AVEN: variants seen among roughly 807,000 people sequenced by gnomAD.
AVEN encodes apoptosis and caspase activation inhibitor.
AVEN carries 41 observed loss-of-function variants against 38.1 expected under a neutral mutation model. The ratio of observed to expected loss-of-function variants is 1.08; its 90% CI spans 0.84 to 1.40. The LOEUF (loss-of-function observed/expected upper bound fraction) is 1.40. Ranked by LOEUF, AVEN falls within the 40% of genes most tolerant of loss-of-function variation. The pLI is 0.00. For synonymous variants in AVEN, 206 were observed against 171.8 expected (o/e 1.20, Z -1.56); for missense variants, 605 against 438.8 (o/e 1.38, Z -3.38).
upstream of AVEN, among the ~76,000 whole-genome samples, chr15:34,041,219 CA>C (rs1899463229): frequency 1.3e-5 from 2 of 152,144 alleles, no homozygotes; most frequent in African/African-American, 4.8e-5. Context: ...TTAAGACAAC[CA>C]AAAACATCTC....
At position 34,062,587 on chromosome 15, in the gene AVEN, G is replaced by A. The variant is rs577135733; in HGVS notation, n.1637+335C>T. The A allele has an allele frequency of 2.1e-5, 15 of 718,616 alleles. No individual in the cohort carries two copies. The South Asian group carries it at 3.1e-4, about 15-fold the overall frequency. 44.5% of individuals were successfully genotyped at this position (718,616 alleles called of 1,614,324 possible). A position where few individuals can be genotyped will look rare whatever the true frequency, so the allele number is the denominator to read the frequency against. On this transcript the variant is annotated intron_variant and non_coding_transcript_variant, in intron 5 of 11. Transcript: ENST00000675287. The stretch of plus-strand genomic sequence containing the variant: ...AAAAAAAAAAAAACTATAAACAATG[G>A]ATGGACAAGAAAATCATGCTGGTGT...
At chr15:33,932,483 G>A (rs539207000) in intron 2 of AVEN, among the ~76,000 whole-genome samples, 14 of 152,306 alleles carry the variant, frequency 9.2e-5, no homozygotes, top group Non-Finnish European at 1.9e-4. Context: ...ATAATACACA[G>A]TTATGAAGAA....
intron 2 of AVEN, 96 bp from the exon 3 acceptor site, chr15:33,876,091 G>A: frequency 8.8e-7 from 1 of 1,136,812 alleles, no homozygotes; most frequent in Non-Finnish European, 1.3e-6. Flanking sequence ...CATTTCTGAA[G>A]TGCTCAAACT....
At chr15:33,898,616 T>C (rs1892347509) in intron 2 of AVEN, among the ~76,000 whole-genome samples, 1 of 152,176 alleles carries the variant, frequency 6.6e-6, no homozygotes, top group Non-Finnish European at 1.5e-5. Flanking sequence ...CACTAGTCAT[T>C]GAACTGGGAC....
chr15:33,913,171 G>A (rs1015324059), intron 2 of AVEN, among the ~76,000 whole-genome samples: 3 of 152,206 alleles, frequency 2.0e-5, no homozygotes, highest in African/African-American at 7.2e-5. Context: ...TTACAGGCAT[G>A]TGCCACTGTG....
chr15:34,030,345 TTTTTG>T lies in AVEN; in HGVS notation c.267+8430_267+8434del, dbSNP rs933026123. ...TTGAGAATACTAGGTTTTGGGGGGT[TTTTTG>T]TTTTGTTTTGTTTGAGACGGAGTCT... On this transcript the variant is annotated intron_variant, in intron 1 of 5. Coordinates refer to ENST00000306730, the MANE Select transcript of AVEN (RefSeq NM_020371.3). 2.6e-5 allele frequency among the ~76,000 whole-genome samples: 4 copies of T among 152,008 alleles called. No individual in the cohort carries two copies. The South Asian group carries it at 8.3e-4, about 31-fold the overall frequency.
chr15:33,884,276 T>C (rs1188864466), intron 2 of AVEN, among the ~76,000 whole-genome samples: 2 of 152,210 alleles, frequency 1.3e-5, no homozygotes, highest in East Asian at 3.9e-4. Context: ...TTTATGATAG[T>C]TGACATACTA....
At chr15:33,881,862 G>C (rs1483941641) in intron 2 of AVEN, among the ~76,000 whole-genome samples, 2 of 152,160 alleles carry the variant, frequency 1.3e-5, no homozygotes, top group Non-Finnish European at 2.9e-5. Flanking sequence ...TAAACACATG[G>C]TGGATCTGAC....
At chr15:34,065,283 A>C (rs1198799633) in intron 4 of AVEN, 1 of 152,158 alleles carries the variant, frequency 6.6e-6, no homozygotes, top group Non-Finnish European at 1.5e-5. Context: ...GTTTTCAGAG[A>C]TCTTGCTTTC....
At chr15:34,050,653 A>G (rs1899898154) in intron 5 of AVEN, among the ~76,000 whole-genome samples, 1 of 152,202 alleles carries the variant, frequency 6.6e-6, no homozygotes, top group Non-Finnish European at 1.5e-5. Context: ...AGGAATGGAG[A>G]AAAATTTACC....
intron 2 of AVEN, among the ~76,000 whole-genome samples, chr15:33,925,324 T>C (rs915780226): frequency 1.3e-5 from 2 of 152,184 alleles, no homozygotes; most frequent in Admixed American, 1.3e-4. Flanking sequence ...GATACCTTCC[T>C]TTCTATAAGA....
At chr15:34,058,758 G>A (rs1234010366) in intron 5 of AVEN, among the ~76,000 whole-genome samples, 1 of 152,096 alleles carries the variant, frequency 6.6e-6, no homozygotes, top group Non-Finnish European at 1.5e-5. Context: ...ACAAAATGAA[G>A]AATTGCCTGA....
chr15:33,948,557 C>T (rs1431021188), intron 2 of AVEN, among the ~76,000 whole-genome samples: 2 of 152,002 alleles, frequency 1.3e-5, no homozygotes, highest in Non-Finnish European at 2.9e-5. Context: ...AATAAAGATA[C>T]TAAAAATGTA....
chr15:33,908,302 C>T lies in AVEN; in HGVS notation c.446-32307G>A, dbSNP rs1214550343. ...CTAATTCCAAAGAACATTGTGTTGA[C>T]AGTGCCTGCAATTAAGAAGCCATCA... On this transcript the variant is annotated intron_variant, in intron 2 of 5. Coordinates refer to ENST00000306730, the MANE Select transcript of AVEN (RefSeq NM_020371.3). Among the ~76,000 whole-genome samples the T allele has an allele frequency of 5.5e-5, 2 of 36,364 alleles. 1 individual carries two copies. Among genetic ancestry groups the T allele is most frequent in the African/African-American group, 1.1e-4 (2 of 18,848 alleles). 23.9% of individuals were successfully genotyped at this position (36,364 alleles called of 152,430 possible). A position where few individuals can be genotyped will look rare whatever the true frequency, so the allele number is the denominator to read the frequency against.
chr15:33,965,666 T>A (rs1053375004), intron 2 of AVEN, among the ~76,000 whole-genome samples: 7 of 152,066 alleles, frequency 4.6e-5, no homozygotes, highest in African/African-American at 1.7e-4. Context: ...TGAGAATACA[T>A]AGAGTTGTAA....
intron 2 of AVEN, among the ~76,000 whole-genome samples, chr15:33,984,424 CAG>C (rs925512674): frequency 1.3e-5 from 2 of 150,138 alleles, no homozygotes; most frequent in African/African-American, 2.4e-5. Flanking sequence ...TTTTTTGAGA[CAG>C]AGTTTCACTC....
At chr15:33,956,857 A>AT (rs902763134) in intron 2 of AVEN, among the ~76,000 whole-genome samples, 6 of 152,054 alleles carry the variant, frequency 3.9e-5, no homozygotes, top group Non-Finnish European at 5.9e-5. Context: ...TTGAATACCA[A>AT]TTTTTTTCCC....
chr15:33,858,018 T>C, downstream of AVEN: 1 of 1,425,618 alleles, frequency 7.0e-7, no homozygotes, highest in Non-Finnish European at 9.5e-7. Context: ...TTGAGAACTG[T>C]AGAGTTAGTT....
At chr15:33,865,340 TAAAA>T (rs200704038), downstream of AVEN, 1 of 622,138 alleles carries the variant, frequency 1.6e-6, no homozygotes, top group South Asian at 2.4e-5. Context: ...ATGCCTCCCT[TAAAA>T]AAAAAACTGC....
Sources: allele counts gnomAD v4.1 joint callset (sites outside exome capture counted in the v4.1 genomes callset), GRCh38; gene constraint gnomAD v4.1.1; transcripts MANE v1.5; gene names NCBI Gene and HGNC (gene_info 2026-07-23, HGNC 2026-07-21).